TRAPPC8: variants seen among roughly 807,000 people sequenced by gnomAD.
The protein encoded by TRAPPC8 is general sporulation gene 1 homolog.
TRAPPC8 carries 54 observed loss-of-function variants against 174.3 expected under a neutral mutation model. The observed-to-expected ratio is 0.31, with a 90% confidence interval of 0.25 to 0.39. The LOEUF (loss-of-function observed/expected upper bound fraction) is 0.39, where lower values mean the gene tolerates loss of function less well. Ranked by LOEUF, TRAPPC8 falls within the 10% of genes least tolerant of loss-of-function variation. TRAPPC8 has a pLI of 1.00. For missense variants in TRAPPC8, 1,531 were observed against 1,699.1 expected (o/e 0.90, Z 1.74); for synonymous variants, 630 against 579.9 (o/e 1.09, Z -1.24).
Position 31,830,815 on chromosome 18 carries a change from T to C in TRAPPC8, c.4248A>G (p.Thr1416=). ...RVFAKLSDQV[T]VFETSQQNSM... ...AATTCTGCTGACTTGTTTCAAACAC[T>C]GTAACTTGGTCCGATAACTTGGCAA... Residue 1416 remains threonine (T), a synonymous_variant, in exon 29 of 29, where the codon ACA becomes ACG. Coordinates refer to ENST00000283351, the MANE Select transcript of TRAPPC8 (RefSeq NM_014939.5). 2 of 1,614,188 alleles carry C rather than the reference T, an allele frequency of 1.2e-6. No homozygotes were observed. The highest frequency in any genetic ancestry group is 1.7e-6 in the Non-Finnish European group (2 of 1,180,030).
chr18:31,912,688 G>T (rs1233967364), intron 5 of TRAPPC8, among the ~76,000 whole-genome samples: 4 of 151,644 alleles, frequency 2.6e-5, no homozygotes, highest in Non-Finnish European at 5.9e-5. Context: ...AAAGAAAAAT[G>T]TAGGGAGCAA....
chr18:31,884,432 T>C (rs904000363), intron 12 of TRAPPC8, among the ~76,000 whole-genome samples: 4 of 152,234 alleles, frequency 2.6e-5, no homozygotes, highest in African/African-American at 9.6e-5. Flanking sequence ...TTATGATGTA[T>C]GCACATTTTT....
At chr18:31,888,271 C>T (rs772109611) in intron 12 of TRAPPC8, among the ~76,000 whole-genome samples, 3 of 152,224 alleles carry the variant, frequency 2.0e-5, no homozygotes, top group East Asian at 1.9e-4. Context: ...TGGTGGCTCA[C>T]GCCTGTAATC....
intron 26 of TRAPPC8, among the ~76,000 whole-genome samples, chr18:31,841,178 C>T (rs1378123241): frequency 3.3e-5 from 5 of 152,034 alleles, no homozygotes; most frequent in African/African-American, 4.8e-5. Flanking sequence ...AAGCATGGAA[C>T]ATTTCTGGAA....
At chr18:31,869,872 A>AG (rs2034760708) in intron 16 of TRAPPC8, 1 of 152,110 alleles carries the variant, frequency 6.6e-6, no homozygotes, top group South Asian at 2.1e-4. Context: ...GAGGATCACG[A>AG]GGTCAGGTCA....
intron 26 of TRAPPC8, among the ~76,000 whole-genome samples, chr18:31,843,060 A>G (rs1411391789): frequency 6.6e-6 from 1 of 152,020 alleles, no homozygotes; most frequent in Non-Finnish European, 1.5e-5. Flanking sequence ...CAAAATAGTA[A>G]GATAAAAAGT....
intron 12 of TRAPPC8, among the ~76,000 whole-genome samples, chr18:31,879,897 C>A (rs983645097): frequency 3.7e-4 from 56 of 150,422 alleles, no homozygotes; most frequent in African/African-American, 1.2e-3. Context: ...ATCATACAAT[C>A]TCCCAAGACT....
intron 26 of TRAPPC8, among the ~76,000 whole-genome samples, chr18:31,839,976 A>G (rs542874016): frequency 3.5e-4 from 54 of 152,360 alleles, no homozygotes; most frequent in African/African-American, 1.1e-3. Context: ...CAACTACACT[A>G]GCTAAAGGTT....
At chr18:31,878,509 C>A (rs754691616) in intron 12 of TRAPPC8, among the ~76,000 whole-genome samples, 2 of 152,070 alleles carry the variant, frequency 1.3e-5, no homozygotes, top group Non-Finnish European at 2.9e-5. Flanking sequence ...CAAAGGAGTT[C>A]TAAACACGGA....
chr18:31,850,658 G>GT (rs1384572501), intron 24 of TRAPPC8, among the ~76,000 whole-genome samples: 1 of 152,050 alleles, frequency 6.6e-6, no homozygotes, highest in Non-Finnish European at 1.5e-5. Context: ...TATTAAATAA[G>GT]TATTAAATAT....
intron 10 of TRAPPC8, among the ~76,000 whole-genome samples, chr18:31,898,914 AAT>A (rs749050749): frequency 1.1e-4 from 16 of 152,334 alleles, no homozygotes; most frequent in Admixed American, 3.3e-4. Flanking sequence ...TAAAATTATT[AAT>A]ATAACTAAAG....
intron 19 of TRAPPC8, among the ~76,000 whole-genome samples, chr18:31,863,372 T>C (rs1256949919): frequency 6.6e-6 from 1 of 152,212 alleles, no homozygotes; most frequent in Non-Finnish European, 1.5e-5. Context: ...TTTTAAAGTT[T>C]AGTCAAATCT....
At chr18:31,926,843 TAACCAAA>T (rs1437272206) in intron 2 of TRAPPC8, among the ~76,000 whole-genome samples, 3 of 152,204 alleles carry the variant, frequency 2.0e-5, no homozygotes, top group Non-Finnish European at 4.4e-5. Flanking sequence ...CAGTGAATAT[TAACCAAA>T]AACTATGAGA....
chr18:31,877,857 A>G (rs900891459), intron 12 of TRAPPC8, among the ~76,000 whole-genome samples: 3 of 150,524 alleles, frequency 2.0e-5, no homozygotes, highest in African/African-American at 7.3e-5. Context: ...CAGGAGGCAG[A>G]GATTGCAGTG....
intron 11 of TRAPPC8, among the ~76,000 whole-genome samples, chr18:31,892,764 C>T (rs1317957834): frequency 6.6e-6 from 1 of 152,124 alleles, no homozygotes; most frequent in Non-Finnish European, 1.5e-5. Context: ...GGAGCTCACA[C>T]CTGTAATTCC....
At chr18:31,877,437 C>T (rs1007162075) in intron 12 of TRAPPC8, among the ~76,000 whole-genome samples, 38 of 151,230 alleles carry the variant, frequency 2.5e-4, no homozygotes, top group African/African-American at 8.8e-4. Context: ...ACGGTGAAAC[C>T]CCGTCTCTAC....
chr18:31,852,401 A>G (rs749672879), intron 24 of TRAPPC8, 45 bp downstream of exon 24: 26 of 1,595,094 alleles, frequency 1.6e-5, no homozygotes, highest in Middle Eastern at 3.8e-4. Flanking sequence ...CAGATATGCT[A>G]TAACTATGAC....
At chr18:31,927,982 C>T (rs895452495) in intron 2 of TRAPPC8, among the ~76,000 whole-genome samples, 1 of 151,464 alleles carries the variant, frequency 6.6e-6, no homozygotes, top group Admixed American at 6.6e-5. Flanking sequence ...TGGTGAAACC[C>T]CGTCTCTTAT....
chr18:31,918,933 A>G (rs997575902), intron 2 of TRAPPC8, among the ~76,000 whole-genome samples: 1 of 152,192 alleles, frequency 6.6e-6, no homozygotes, highest in African/African-American at 2.4e-5. Flanking sequence ...TTATGCTGAT[A>G]TATCAAATCT....
Sources: gnomAD v4.1 joint callset for allele counts (sites outside exome capture counted in the v4.1 genomes callset) on GRCh38, gnomAD v4.1.1 for gene constraint, MANE v1.5 for transcripts, NCBI Gene and HGNC (gene_info 2026-07-23, HGNC 2026-07-21) for gene names.